ADAM19: variants seen among roughly 807,000 people sequenced by gnomAD.
ADAM19 encodes disintegrin and metalloproteinase domain-containing protein 19.
ADAM19 carries 65 observed loss-of-function variants against 114.7 expected under a neutral mutation model. That is an observed-to-expected ratio of 0.57 (90% CI 0.46 to 0.70). The LOEUF (loss-of-function observed/expected upper bound fraction) is 0.70. Ranked by LOEUF, ADAM19 falls within the 30% of genes least tolerant of loss-of-function variation. The pLI, the probability that ADAM19 is intolerant of heterozygous loss-of-function variation, is 0.00. For synonymous variants in ADAM19, 466 were observed against 460.5 expected, an observed-to-expected ratio of 1.01 and a Z score of -0.15; for missense variants, 1,063 against 1,204.7, an observed-to-expected ratio of 0.88 and a Z score of 1.74.
At chr5:157,511,372 A>G (rs1403768085) in intron 8 of ADAM19, among the ~76,000 whole-genome samples, 2 of 152,220 alleles carry the variant, frequency 1.3e-5, no homozygotes, top group African/African-American at 2.4e-5. Context: ...AGTCTCAGCA[A>G]GAAGATGGTG....
At position 157,485,995 on chromosome 5, in the gene ADAM19, C is replaced by A. The variant is rs116029551; in HGVS notation, c.2550+2270G>T. Among the ~76,000 whole-genome samples the A allele has an allele frequency of 9.5e-3, 1,453 of 152,334 alleles. 32 individuals are homozygous for A. The highest frequency in any genetic ancestry group is 0.033 in the African/African-American group (1,353 of 41,568). On this transcript the variant is annotated intron_variant, in intron 21 of 22. Coordinates refer to ENST00000257527, the MANE Select transcript of ADAM19 (RefSeq NM_033274.5). ...CCTCGTCATTGCCTGGCCCAGAGTG[C>A]AGGTGCATAAGCCGGTTTAGAATAG...
intron 4 of ADAM19, 32 bp from the exon 5 acceptor site, chr5:157,530,915 A>G: frequency 6.4e-7 from 1 of 1,568,934 alleles, no homozygotes; most frequent in Non-Finnish European, 8.8e-7. Flanking sequence ...GTCAGGCTAA[A>G]GAACACTGAT....
chr5:157,480,440 C>G lies in ADAM19; in HGVS notation c.*509G>C. 1.0e-6 allele frequency: 1 copy of G among 990,374 alleles called. No homozygotes were observed. The highest frequency in any genetic ancestry group is 1.2e-6 in the Non-Finnish European group (1 of 833,162). The allele number at this position is 990,374 out of a possible 1,614,324, so 61.3% of individuals were successfully genotyped here. ...AACCAAGCCCTGGGCAGGGCCACAG[C>G]AGTGGCTGGCTTGACCCTTCCTTAA... On this transcript the variant is annotated 3_prime_UTR_variant, in exon 23 of 23. Transcript: ENST00000257527.
chr5:157,489,879 C>T (rs563076868), intron 19 of ADAM19, among the ~76,000 whole-genome samples: 1 of 152,250 alleles, frequency 6.6e-6, no homozygotes, highest in South Asian at 2.1e-4. Flanking sequence ...CCCAGCTACT[C>T]AGGACGCTGA....
rs929112633 is a variant in ADAM19, at chr5:157,550,687, A to G, written c.252-12696T>C. ...GTTGTATCTCAGTAAAGCTGTTTGG[A>G]AAAAAAAAAAAAAAGACAAGAGAGC... On this transcript the variant is annotated intron_variant, in intron 3 of 22. Transcript: ENST00000257527. Among the ~76,000 whole-genome samples the G allele has an allele frequency of 2.0e-4, 10 of 50,800 alleles. No homozygotes were observed. The East Asian group carries it at 2.8e-3, about 14-fold the overall frequency. 33.3% of individuals were successfully genotyped at this position (50,800 alleles called of 152,430 possible).
chr5:157,566,100 C>T (rs1264665480), intron 2 of ADAM19: 7 of 134,580 alleles, frequency 5.2e-5, no homozygotes, highest in African/African-American at 2.2e-4. Flanking sequence ...CAGAGCGAGA[C>T]TCTGTCTCAA....
chr5:157,571,020 T>G, intron 1 of ADAM19, 40 bp from the exon 2 acceptor site: 1 of 1,575,978 alleles, frequency 6.3e-7, no homozygotes, highest in Non-Finnish European at 8.7e-7. Flanking sequence ...ATCCCAGACC[T>G]CTATACCCCA....
At chr5:157,481,357 G>C in intron 22 of ADAM19, 1 of 580,562 alleles carries the variant, frequency 1.7e-6, no homozygotes. Flanking sequence ...AACTGAGACT[G>C]TCAGCCACAC....
chr5:157,481,296 C>G lies in ADAM19; in HGVS notation c.2704-294G>C, dbSNP rs2113680699. ...ATGCCTCGTGGGAATACAGCATGGTCAGCCAGCTTCTTCACCTCATCCCTT... is the reference window on the plus strand; with the variant it reads ...ATGCCTCGTGGGAATACAGCATGGTGAGCCAGCTTCTTCACCTCATCCCTT... On this transcript the variant is annotated intron_variant, in intron 22 of 22. Transcript: ENST00000257527. The G allele has an allele frequency of 5.2e-6, 3 of 572,828 alleles. No individual in the cohort carries two copies. In the South Asian group the frequency reaches 6.4e-5, roughly 12 times the overall value. 35.5% of individuals were successfully genotyped at this position (572,828 alleles called of 1,614,324 possible).
In ADAM19 at chr5:157,479,883, C is replaced by T; in HGVS notation, c.*1066G>A. 2 of 985,700 alleles carry T rather than the reference C, an allele frequency of 2.0e-6. No individual in the cohort carries two copies. Among genetic ancestry groups the T allele is most frequent in the Non-Finnish European group, 2.4e-6 (2 of 829,992 alleles). The allele number at this position is 985,700 out of a possible 1,614,324, so 61.1% of individuals were successfully genotyped here. A position where few individuals can be genotyped will look rare whatever the true frequency, so the allele number is the denominator to read the frequency against. On this transcript the variant is annotated 3_prime_UTR_variant, in exon 23 of 23. Transcript: ENST00000257527. ...TGGGCTCCCTAAGGGGAAACCTCAC[C>T]TAGATTTAGCTTAGAGTAAGGAGGA...
In ADAM19 at chr5:157,481,898, G is replaced by C. The variant is rs1754764364; in HGVS notation, c.2596C>G (p.Pro866Ala). 1 of 1,604,752 alleles carries C rather than the reference G, an allele frequency of 6.2e-7. No homozygotes were observed. The highest frequency in any genetic ancestry group is 1.7e-5 in the Admixed American group (1 of 59,004). ...GGGAGGCTCCTGCGGCCTGGCACTG[G>C]GTTTGCCGGGAGTGCCTTCTGGGGC... ...RPPQKALPAN[P>A]VPGRRSLPRP... Residue 866 changes from proline to alanine, a missense_variant, in exon 22 of 23, where the codon CCA (proline) becomes GCA (alanine). Pro to Ala is a conservative substitution (Grantham distance 27). Transcript: ENST00000257527.
chr5:157,480,989 C>A lies in ADAM19; in HGVS notation c.2717G>T (p.Arg906Ile), dbSNP rs772178009. Reference sequence around the variant, plus strand: ...AATCATCCCTCCAGCCCTCTGTGATCTGTATTCTGGAAACTGGGAAGAAAA... The same window carrying A: ...AATCATCCCTCCAGCCCTCTGTGATATGTATTCTGGAAACTGGGAAGAAAA... ...AALAPKFPEY[R>I]SQRAGGMISS... The change falls in exon 23 of 23, where the codon AGA becomes ATA. Residue 906 changes from arginine to isoleucine, a missense_variant. Coordinates refer to ENST00000257527, the MANE Select transcript of ADAM19 (RefSeq NM_033274.5). 2 of 1,614,120 alleles carry A rather than the reference C, an allele frequency of 1.2e-6. No homozygotes were observed. The highest frequency in any genetic ancestry group is 1.7e-6 in the Non-Finnish European group (2 of 1,180,012).
chr5:157,571,911 A>G (rs1757837897), intron 1 of ADAM19, among the ~76,000 whole-genome samples: 1 of 152,300 alleles, frequency 6.6e-6, no homozygotes, highest in African/African-American at 2.4e-5. Context: ...TATTGTGAAG[A>G]GTCAATATGA....
intron 3 of ADAM19, among the ~76,000 whole-genome samples, chr5:157,552,807 G>C (rs1430764528): frequency 6.6e-6 from 1 of 152,022 alleles, no homozygotes; most frequent in Non-Finnish European, 1.5e-5. Flanking sequence ...GGGATGAATG[G>C]ATAAAGAAAA....
chr5:157,484,397 T>C (rs1212737295), intron 21 of ADAM19, among the ~76,000 whole-genome samples: 1 of 152,136 alleles, frequency 6.6e-6, no homozygotes, highest in Non-Finnish European at 1.5e-5. Flanking sequence ...CACGTATTAG[T>C]TGATCCATTG....
At chr5:157,545,175 G>A (rs1024053759) in intron 3 of ADAM19, among the ~76,000 whole-genome samples, 6 of 152,128 alleles carry the variant, frequency 3.9e-5, no homozygotes, top group East Asian at 3.8e-4. Flanking sequence ...GACACAGACC[G>A]CACCCAAAGC....
At chr5:157,494,849 G>C (rs1269216325) in intron 14 of ADAM19, 54 bp from the exon 15 acceptor site, 1 of 1,429,318 alleles carries the variant, frequency 7.0e-7, no homozygotes, top group East Asian at 2.3e-5. Context: ...AGCCCCCAAG[G>C]GCAAAGGTAT....
chr5:157,530,655 C>T, intron 5 of ADAM19, 152 bp downstream of exon 5: 1 of 616,910 alleles, frequency 1.6e-6, no homozygotes, highest in Non-Finnish European at 2.9e-6. Context: ...CTTTCCCTTG[C>T]CCATCCTCCC....
chr5:157,491,860 C>T lies in ADAM19; in HGVS notation c.1961G>A (p.Cys654Tyr). The T allele has an allele frequency of 1.9e-6, 3 of 1,614,254 alleles. No homozygotes were observed. The highest frequency in any genetic ancestry group is 2.5e-6 in the Non-Finnish European group (3 of 1,180,050). The change falls in exon 17 of 23, where the codon TGT becomes TAT. Residue 654 changes from cysteine (C) to tyrosine (Y), a missense_variant. Coordinates refer to ENST00000257527, the MANE Select transcript of ADAM19 (RefSeq NM_033274.5). ...CCCATGGCCATTGCACTTCTTCCCA[C>T]AGCCTTCAGTTTCAAAGAAGGAGGT... The part of the protein sequence containing the change: ...RNTSFFETEG[C>Y]GKKCNGHGVC...
Sources: allele counts gnomAD v4.1 joint callset (sites outside exome capture counted in the v4.1 genomes callset), GRCh38; gene constraint gnomAD v4.1.1; transcripts MANE v1.5; gene names NCBI Gene and HGNC (gene_info 2026-07-23, HGNC 2026-07-21).